The following SLIT3 variants were observed in gnomAD, a reference collection of about 807,000 sequenced individuals.
The protein encoded by SLIT3 is slit guidance ligand 3.
In SLIT3, 68 loss-of-function variants were observed where a neutral mutation model predicts 184.0. The observed-to-expected ratio is 0.37, with a 90% confidence interval of 0.30 to 0.45. SLIT3 has a LOEUF of 0.45. SLIT3 is among the 20% of genes least tolerant of loss of function. The pLI is 1.00. For missense variants in SLIT3, 1,707 were observed against 2,026.0 expected (o/e 0.84, Z 3.02); for synonymous variants, 831 against 828.6 (o/e 1.00, Z -0.05).
chr5:168,786,100 G>A (rs887123453), intron 11 of SLIT3, 122 bp from the exon 12 acceptor site: 5 of 680,296 alleles, frequency 7.3e-6, no homozygotes, highest in Admixed American at 2.3e-5. Context: ...CCCCTTCCAC[G>A]GCCTGCCTAA....
chr5:169,175,351 G>A lies in SLIT3; in HGVS notation c.413+18128C>T, dbSNP rs377603960. Among the ~76,000 whole-genome samples, 5 of 152,268 alleles carry A rather than the reference G, an allele frequency of 3.3e-5. No homozygotes were observed. The South Asian group carries it at 8.3e-4, about 25-fold the overall frequency. ...ATGGTAGTGTGGCTTCAAATCTGCG[G>A]TTTCCCCTCTTCCCACTCCTAGTAC... On this transcript the variant is annotated intron_variant, in intron 4 of 35. Coordinates refer to ENST00000519560, the MANE Select transcript of SLIT3 (RefSeq NM_003062.4).
chr5:168,872,269 C>T (rs1194242449), intron 5 of SLIT3, among the ~76,000 whole-genome samples: 2 of 152,184 alleles, frequency 1.3e-5, no homozygotes, highest in African/African-American at 4.8e-5. Context: ...ATAGGTGGGA[C>T]ACAGGGAAAT....
chr5:169,031,383 C>T (rs1467643930), intron 4 of SLIT3, among the ~76,000 whole-genome samples: 11 of 152,170 alleles, frequency 7.2e-5, no homozygotes, highest in Non-Finnish European at 1.3e-4. Context: ...ATAGAAGATG[C>T]CTTCTGATAG....
At chr5:168,895,481 C>CTGTA in intron 4 of SLIT3, among the ~76,000 whole-genome samples, 1 of 152,322 alleles carries the variant, frequency 6.6e-6, no homozygotes, top group Admixed American at 6.5e-5. Flanking sequence ...CTGGGGCCAT[C>CTGTA]TGCTGATAAA....
rs186913055 is a variant in SLIT3, at chr5:168,908,808, C to T, written c.414-25472G>A. Among the ~76,000 whole-genome samples the T allele has an allele frequency of 2.6e-4, 39 of 152,278 alleles. No homozygotes were observed. In the East Asian group the frequency reaches 7.1e-3, roughly 28 times the overall value. On this transcript the variant is annotated intron_variant, in intron 4 of 35. Coordinates refer to ENST00000519560, the MANE Select transcript of SLIT3 (RefSeq NM_003062.4). ...ATTACCCTATACCATCTATTACAAA[C>T]GATGGAGGTGTTCAACTACTATTTC...
In SLIT3 at chr5:169,061,178, C is replaced by T. The variant is rs570653435; in HGVS notation, c.413+132301G>A. Among the ~76,000 whole-genome samples the T allele has an allele frequency of 3.3e-5, 5 of 152,312 alleles. No individual in the cohort carries two copies. The East Asian group carries it at 9.6e-4, about 29-fold the overall frequency. On this transcript the variant is annotated intron_variant, in intron 4 of 35. Coordinates refer to ENST00000519560, the MANE Select transcript of SLIT3 (RefSeq NM_003062.4). ...ACATTTTCCCATGAATGTTTTCTTC[C>T]TGGCTGACTTAGAGGGATTTTCAAC... is the stretch of plus-strand genomic sequence containing the variant.
intron 4 of SLIT3, among the ~76,000 whole-genome samples, chr5:168,975,455 AC>A (rs1283389696): frequency 2.0e-5 from 3 of 149,994 alleles, no homozygotes; most frequent in East Asian, 2.0e-4. Context: ...ACATACAGAC[AC>A]CCCCCCACAC....
intron 7 of SLIT3, among the ~76,000 whole-genome samples, chr5:168,819,186 A>T (rs1174155980): frequency 6.6e-6 from 1 of 152,220 alleles, no homozygotes; most frequent in Non-Finnish European, 1.5e-5. Context: ...GAAGTGAGAC[A>T]GGCAGGAAGG....
At position 169,060,158 on chromosome 5, in the gene SLIT3, G is replaced by A. The variant is rs1018279291; in HGVS notation, c.413+133321C>T. On this transcript the variant is annotated intron_variant, in intron 4 of 35. Coordinates refer to ENST00000519560, the MANE Select transcript of SLIT3 (RefSeq NM_003062.4). ...TAATCCCAGCCCTTTGGGAGGCCAA[G>A]GCCGGTGAATCATCTGAAGTCAGGA... 2.0e-5 allele frequency among the ~76,000 whole-genome samples: 3 copies of A among 152,224 alleles called. No homozygotes were observed. The East Asian group carries it at 5.8e-4, about 29-fold the overall frequency.
chr5:168,879,237 G>T (rs890139475), intron 5 of SLIT3, among the ~76,000 whole-genome samples: 1 of 152,224 alleles, frequency 6.6e-6, no homozygotes, highest in African/African-American at 2.4e-5. Context: ...TAGTGGAATG[G>T]TGTGAATTCC....
At chr5:168,817,594 G>T in intron 7 of SLIT3, 131 bp from the exon 8 acceptor site, 1 of 809,980 alleles carries the variant, frequency 1.2e-6, no homozygotes, top group Non-Finnish European at 2.0e-6. Flanking sequence ...GCCCAGGGAA[G>T]CAATTCCCTC....
intron 3 of SLIT3, among the ~76,000 whole-genome samples, chr5:169,212,808 C>A (rs986231557): frequency 2.6e-5 from 4 of 152,074 alleles, no homozygotes; most frequent in African/African-American, 9.7e-5. Flanking sequence ...TTTAATCCAT[C>A]TTAATTTTTG....
chr5:169,024,451 T>C (rs1756733951), intron 4 of SLIT3: 1 of 152,152 alleles, frequency 6.6e-6, no homozygotes, highest in African/African-American at 2.4e-5. Context: ...AGTCAAAAAC[T>C]TCTCACTGGG....
intron 4 of SLIT3, among the ~76,000 whole-genome samples, chr5:169,110,269 C>A (rs1033519050): frequency 1.3e-5 from 2 of 152,228 alleles, no homozygotes; most frequent in African/African-American, 4.8e-5. Flanking sequence ...TCATCTGACA[C>A]AGCTTATCAT....
chr5:168,815,465 A>T (rs184732448), intron 8 of SLIT3, among the ~76,000 whole-genome samples: 22 of 152,180 alleles, frequency 1.4e-4, no homozygotes, highest in Admixed American at 7.2e-4. Context: ...TGACTCTCGT[A>T]CTCTATAATT....
chr5:169,105,507 G>A (rs1033743360), intron 4 of SLIT3, among the ~76,000 whole-genome samples: 27 of 152,298 alleles, frequency 1.8e-4, no homozygotes, highest in African/African-American at 5.1e-4. Flanking sequence ...CACGCCAAGC[G>A]TTACCAAGGT....
chr5:169,218,390 A>T (rs896147308), intron 3 of SLIT3, among the ~76,000 whole-genome samples: 5 of 152,278 alleles, frequency 3.3e-5, no homozygotes, highest in Admixed American at 3.3e-4. Context: ...GAGCCTTGTG[A>T]CTCAAAACAT....
intron 21 of SLIT3, among the ~76,000 whole-genome samples, chr5:168,723,993 A>G (rs1763029470): frequency 6.6e-6 from 1 of 152,180 alleles, no homozygotes; most frequent in Non-Finnish European, 1.5e-5. Flanking sequence ...CTGGTTGTCA[A>G]TACTGGGGTA....
intron 9 of SLIT3, among the ~76,000 whole-genome samples, chr5:168,797,505 G>C (rs1241693574): frequency 6.6e-6 from 1 of 152,214 alleles, no homozygotes; most frequent in Non-Finnish European, 1.5e-5. Flanking sequence ...TGGGTGTGAG[G>C]TCTGTGGGCT....
Sources: gnomAD v4.1 joint callset for allele counts (sites outside exome capture counted in the v4.1 genomes callset) on GRCh38, gnomAD v4.1.1 for gene constraint, MANE v1.5 for transcripts, NCBI Gene and HGNC (gene_info 2026-07-23, HGNC 2026-07-21) for gene names.